Variants in MAPK9 observed in about 807,000 individuals in gnomAD.
MAPK9 encodes Jun kinase.
In MAPK9, 30 loss-of-function variants were observed where a neutral mutation model predicts 57.1. The ratio of observed to expected loss-of-function variants is 0.53; its 90% CI spans 0.39 to 0.71. MAPK9 has a LOEUF of 0.71. MAPK9 is among the 30% of genes least tolerant of loss of function. The pLI is 0.00. For missense variants in MAPK9, 362 were observed against 521.0 expected, an observed-to-expected ratio of 0.69 and a Z score of 2.97; for synonymous variants, 155 against 177.0, an observed-to-expected ratio of 0.88 and a Z score of 0.99.
chr5:180,277,665 G>A (rs1444188325), intron 2 of MAPK9, among the ~76,000 whole-genome samples: 1 of 152,170 alleles, frequency 6.6e-6, no homozygotes, highest in East Asian at 1.9e-4. Flanking sequence ...AGTGATGAAA[G>A]GAAGTTTCAG....
intron 5 of MAPK9, among the ~76,000 whole-genome samples, chr5:180,249,661 C>T (rs11743623): frequency 0.15 from 23,054 of 152,184 alleles, 2,408 homozygotes; most frequent in African/African-American, 0.29. Context: ...TCATATAATG[C>T]GAACGATGTG....
At chr5:180,286,511 C>T (rs1375832011) in intron 1 of MAPK9, among the ~76,000 whole-genome samples, 1 of 151,786 alleles carries the variant, frequency 6.6e-6, no homozygotes, top group African/African-American at 2.4e-5. Flanking sequence ...AATCAAGAAC[C>T]TTGCAGCTCT....
chr5:180,276,347 T>G (rs1204801858), intron 2 of MAPK9, among the ~76,000 whole-genome samples: 1 of 152,214 alleles, frequency 6.6e-6, no homozygotes, highest in Non-Finnish European at 1.5e-5. Flanking sequence ...TTGAACACTT[T>G]TTTAAAGGTT....
chr5:180,242,851 GCC>G, intron 7 of MAPK9, 96 bp from the exon 8 acceptor site: 1 of 869,200 alleles, frequency 1.2e-6, no homozygotes. Flanking sequence ...TATCGACTAG[GCC>G]ACCCCACTGG....
chr5:180,240,978 A>C, intron 9 of MAPK9, 53 bp downstream of exon 9: 1 of 1,562,104 alleles, frequency 6.4e-7, no homozygotes, highest in Non-Finnish European at 8.7e-7. Context: ...ACAAGATCCA[A>C]GGAAATATAA....
chr5:180,284,623 T>G (rs983982216), intron 1 of MAPK9, among the ~76,000 whole-genome samples: 1 of 152,256 alleles, frequency 6.6e-6, no homozygotes, highest in Non-Finnish European at 1.5e-5. Flanking sequence ...TATCCTAAAC[T>G]GGCAAACACA....
intron 3 of MAPK9, among the ~76,000 whole-genome samples, chr5:180,268,744 A>C (rs1262081270): frequency 6.6e-6 from 1 of 151,424 alleles, no homozygotes; most frequent in Non-Finnish European, 1.5e-5. Flanking sequence ...GGAAAATGGC[A>C]TGAACCCGGG....
intron 2 of MAPK9, among the ~76,000 whole-genome samples, chr5:180,276,471 C>T (rs920587649): frequency 5.3e-5 from 8 of 152,182 alleles, no homozygotes; most frequent in African/African-American, 1.9e-4. Context: ...AATGTACATA[C>T]ATTTTCTCCA....
intron 2 of MAPK9, among the ~76,000 whole-genome samples, chr5:180,275,224 A>G (rs1006314602): frequency 6.6e-6 from 1 of 152,174 alleles, no homozygotes; most frequent in Non-Finnish European, 1.5e-5. Context: ...CTATCTAGAA[A>G]TAATTTTATC....
intron 1 of MAPK9, among the ~76,000 whole-genome samples, chr5:180,287,956 G>A (rs1003496772): frequency 2.0e-5 from 3 of 152,214 alleles, no homozygotes; most frequent in Non-Finnish European, 2.9e-5. Context: ...ATGCGGTAGG[G>A]CAGCTGGGAG....
intron 2 of MAPK9, among the ~76,000 whole-genome samples, chr5:180,273,746 T>C (rs1761573430): frequency 6.6e-6 from 1 of 152,220 alleles, no homozygotes; most frequent in Non-Finnish European, 1.5e-5. Flanking sequence ...AAGGCTAGCC[T>C]TTCCTCATTG....
intron 2 of MAPK9, among the ~76,000 whole-genome samples, chr5:180,274,138 T>TA (rs1344464933): frequency 6.6e-6 from 1 of 152,222 alleles, no homozygotes; most frequent in East Asian, 1.9e-4. Flanking sequence ...GCTTTTTGTA[T>TA]ACAAGTCTTT....
At chr5:180,263,952 G>A (rs1204433341) in intron 4 of MAPK9, among the ~76,000 whole-genome samples, 4 of 151,974 alleles carry the variant, frequency 2.6e-5, no homozygotes, top group South Asian at 2.1e-4. Context: ...TGATCCGCCC[G>A]CCTCGGCCTC....
intron 3 of MAPK9, among the ~76,000 whole-genome samples, chr5:180,268,102 G>A (rs908484325): frequency 6.6e-6 from 1 of 152,094 alleles, no homozygotes; most frequent in Non-Finnish European, 1.5e-5. Flanking sequence ...GGGATTACAG[G>A]CGTGAGCCAC....
At chr5:180,252,626 G>A (rs928924378) in intron 5 of MAPK9, among the ~76,000 whole-genome samples, 2 of 152,160 alleles carry the variant, frequency 1.3e-5, no homozygotes, top group African/African-American at 4.8e-5. Context: ...CAAGGAACTC[G>A]TGTGGGCGTT....
Position 180,247,835 on chromosome 5 carries a change from G to T in MAPK9, c.617-325C>A. The T allele has an allele frequency of 6.2e-7, 1 of 1,613,372 alleles. No individual in the cohort carries two copies. ...ACCCCAGCCTCCATGGCCAAGTACC[G>T]GGTCCCCTGTGAAGGATACAGTCTC... On this transcript the variant is annotated intron_variant, in intron 6 of 11. Transcript: ENST00000452135. This position sits in a 1 kb window ranked among gnomAD's most constrained non-coding sequence, Gnocchi z 4.5.
intron 5 of MAPK9, among the ~76,000 whole-genome samples, chr5:180,251,886 C>T (rs1758742385): frequency 6.6e-6 from 1 of 152,186 alleles, no homozygotes; most frequent in Admixed American, 6.5e-5. Flanking sequence ...AGACCCACTG[C>T]TTGAGAGGTA....
In MAPK9 at chr5:180,260,765, T is replaced by C. The variant is rs556086953; in HGVS notation, c.450+919A>G. On this transcript the variant is annotated intron_variant, in intron 5 of 11. Coordinates refer to ENST00000452135, the MANE Select transcript of MAPK9 (RefSeq NM_002752.5). ...TTTTTAATTGTTCTGTAATATGTCA[T>C]TGAAAACAGATTTTGTTAACTGTTG... 2.0e-5 allele frequency among the ~76,000 whole-genome samples: 3 copies of C among 152,346 alleles called. No homozygotes were observed. The East Asian group carries it at 5.8e-4, about 29-fold the overall frequency.
At chr5:180,287,516 T>C (rs929179588) in intron 1 of MAPK9, among the ~76,000 whole-genome samples, 2 of 152,180 alleles carry the variant, frequency 1.3e-5, no homozygotes, top group Non-Finnish European at 2.9e-5. Flanking sequence ...TAAGATTCAG[T>C]TCCCTAGCAC....
Sources: gnomAD v4.1 joint callset for allele counts (sites outside exome capture counted in the v4.1 genomes callset) on GRCh38, gnomAD v4.1.1 for gene constraint, Gnocchi (gnomAD v3.1) non-coding constraint, MANE v1.5 for transcripts, NCBI Gene and HGNC (gene_info 2026-07-23, HGNC 2026-07-21) for gene names.